The following TUSC3 variants were observed in gnomAD, a reference collection of about 807,000 sequenced individuals.
TUSC3 encodes dolichyl-diphosphooligosaccharide--protein glycosyltransferase subunit TUSC3.
A neutral mutation model predicts 44.8 loss-of-function variants in TUSC3; 45 were observed. The ratio of observed to expected loss-of-function variants is 1.00; its 90% confidence interval spans 0.79 to 1.29. The LOEUF (loss-of-function observed/expected upper bound fraction) is 1.29, where lower values mean the gene tolerates loss of function less well. Among genes scored for constraint, TUSC3 ranks in the 50% most tolerant of loss-of-function variants. The pLI, the probability that TUSC3 is intolerant of heterozygous loss-of-function variation, is 0.00. For synonymous variants in TUSC3, 212 were observed against 152.9 expected, an observed-to-expected ratio of 1.39 and a Z score of -2.85; for missense variants, 519 against 437.9, an observed-to-expected ratio of 1.19 and a Z score of -1.65.
chr8:15,552,988 C>T (rs6530888), intron 1 of TUSC3, among the ~76,000 whole-genome samples: 1,905 of 151,422 alleles, frequency 0.013, 50 homozygotes, highest in African/African-American at 0.043. Context: ...AGACAGTACT[C>T]GGTAATTGGT....
intron 6 of TUSC3, among the ~76,000 whole-genome samples, chr8:15,704,710 T>G (rs1809547896): frequency 6.6e-6 from 1 of 152,064 alleles, no homozygotes; most frequent in African/African-American, 2.4e-5. Context: ...ATCCTATCCC[T>G]CTTTTTCCTT....
chr8:15,570,408 GTATT>G (rs2129142981), intron 1 of TUSC3, among the ~76,000 whole-genome samples: 1 of 152,172 alleles, frequency 6.6e-6, no homozygotes, highest in Non-Finnish European at 1.5e-5. Flanking sequence ...AGTTGCAACT[GTATT>G]TATAGCATAT....
At chr8:15,588,140 G>A (rs114573074) in intron 1 of TUSC3, among the ~76,000 whole-genome samples, 3,139 of 152,128 alleles carry the variant, frequency 0.021, 94 homozygotes, top group African/African-American at 0.07. Flanking sequence ...GGACCTCCAT[G>A]CTGTTAACCA....
rs547988944 is a variant in TUSC3, at chr8:15,757,008, C to T, written c.1029-783C>T. Among the ~76,000 whole-genome samples, 6 of 152,164 alleles carry T rather than the reference C, an allele frequency of 3.9e-5. No individual in the cohort carries two copies. The East Asian group carries it at 7.8e-4, about 20-fold the overall frequency. The stretch of plus-strand genomic sequence containing the variant: ...AAAATTAGCCTGGCATGGTGGCACA[C>T]GCCTGTAGTCCCAGCTACTGGGGAA... On this transcript the variant is annotated intron_variant, in intron 9 of 10. Coordinates refer to ENST00000503731, the MANE Select transcript of TUSC3 (RefSeq NM_006765.4).
rs11372919 is a variant in TUSC3 at position 15,485,464 on chromosome 8, C to CTTTTTTTTTTTTTTTTT, written n.189+1992_189+1993insTTTTTTTTTTTTTTTTT. Among the ~76,000 whole-genome samples, 5 of 135,238 alleles carry CTTTTTTTTTTTTTTTTT rather than the reference C, an allele frequency of 3.7e-5. 1 individual carries two copies. Among genetic ancestry groups the CTTTTTTTTTTTTTTTTT allele is most frequent in the African/African-American group, 2.8e-5 (1 of 35,956 alleles). The allele number at this position is 135,238 out of a possible 152,430, so 88.7% of individuals were successfully genotyped here. A position where few individuals can be genotyped will look rare whatever the true frequency, so the allele number is the denominator to read the frequency against. On this transcript the variant is annotated intron_variant and non_coding_transcript_variant, in intron 2 of 5. Coordinates refer to the TUSC3 transcript ENST00000503191. ...AAGCAATGTCATTATACTCTGTTGT[C>CTTTTTTTTTTTTTTTTT]TTTTTTTTTTTGTTTTTTGTGACAC... is the stretch of plus-strand genomic sequence containing the variant.
intron 2 of TUSC3, among the ~76,000 whole-genome samples, chr8:15,516,167 C>G (rs1197904064): frequency 6.6e-6 from 1 of 152,132 alleles, no homozygotes; most frequent in Non-Finnish European, 1.5e-5. Context: ...TCACCCTCAT[C>G]TATTGTATCA....
At chr8:15,715,063 A>G (rs530446477) in intron 6 of TUSC3, among the ~76,000 whole-genome samples, 2 of 152,268 alleles carry the variant, frequency 1.3e-5, no homozygotes, top group African/African-American at 4.8e-5. Flanking sequence ...TTTCTGTAAA[A>G]TGGAAGAATC....
intron 7 of TUSC3, among the ~76,000 whole-genome samples, chr8:15,740,032 GAC>G (rs950218912): frequency 1.8e-4 from 28 of 152,062 alleles, no homozygotes; most frequent in Admixed American, 6.6e-5. Context: ...CTGGAACAAA[GAC>G]AATAAGTACA....
rs543626873 is a variant in TUSC3 at position 15,446,891 on chromosome 8, T to G, written n.91+29586T>G. ...GATGAAAGTGAACAAAAAGGATGAG[T>G]AGGTAACAGAAAAAAAAACAAAGGA... On this transcript the variant is annotated intron_variant and non_coding_transcript_variant, in intron 1 of 5. Transcript: ENST00000503191. 3.8e-5 allele frequency among the ~76,000 whole-genome samples: 4 copies of G among 106,580 alleles called. No homozygotes were observed. The South Asian group carries it at 1.1e-3, about 28-fold the overall frequency. 69.9% of individuals were successfully genotyped at this position (106,580 alleles called of 152,430 possible). A position where few individuals can be genotyped will look rare whatever the true frequency, so the allele number is the denominator to read the frequency against.
At chr8:15,756,394 G>C (rs1811929728) in intron 9 of TUSC3, among the ~76,000 whole-genome samples, 1 of 152,038 alleles carries the variant, frequency 6.6e-6, no homozygotes, top group Non-Finnish European at 1.5e-5. Flanking sequence ...AAATGTAGTA[G>C]GTTCTCAATA....
chr8:15,655,187 A>T (rs1807098517), intron 3 of TUSC3, among the ~76,000 whole-genome samples: 1 of 152,176 alleles, frequency 6.6e-6, no homozygotes, highest in African/African-American at 2.4e-5. Context: ...GGCTGCTAGG[A>T]AAGGCAGTCT....
At chr8:15,490,964 G>T (rs1253973492) in intron 2 of TUSC3, among the ~76,000 whole-genome samples, 1 of 151,956 alleles carries the variant, frequency 6.6e-6, no homozygotes, top group Non-Finnish European at 1.5e-5. Flanking sequence ...TTCCAAAGAG[G>T]GTCTGGGGCC....
intron 1 of TUSC3, among the ~76,000 whole-genome samples, chr8:15,580,936 C>G (rs1487645972): frequency 4.4e-4 from 54 of 121,644 alleles, no homozygotes; most frequent in African/African-American, 1.7e-3. Flanking sequence ...TCCATTCTCC[C>G]CATCACTTTC....
intron 1 of TUSC3, among the ~76,000 whole-genome samples, chr8:15,469,483 T>A (rs1429363301): frequency 6.6e-6 from 1 of 152,118 alleles, no homozygotes; most frequent in African/African-American, 2.4e-5. Flanking sequence ...ATGGCCAAAA[T>A]CCAAATCACT....
At chr8:15,743,256 G>A (rs1811271185) in intron 7 of TUSC3, among the ~76,000 whole-genome samples, 1 of 152,294 alleles carries the variant, frequency 6.6e-6, no homozygotes, top group East Asian at 1.9e-4. Flanking sequence ...GGTTTTGAGA[G>A]TCCATATAGT....
At chr8:15,783,073 C>G in the TUSC3 span, among the ~76,000 whole-genome samples, 2 of 152,040 alleles carry the variant, frequency 1.3e-5, no homozygotes, top group Non-Finnish European at 2.9e-5. Flanking sequence ...AATGAACTAT[C>G]TGAAAAAGAT....
intron 1 of TUSC3, among the ~76,000 whole-genome samples, chr8:15,473,491 G>A (rs1266675763): frequency 6.6e-6 from 1 of 152,180 alleles, no homozygotes. Flanking sequence ...GCAGTTACAT[G>A]TTCATAAAGT....
At chr8:15,558,992 C>G (rs1585099884) in intron 1 of TUSC3, among the ~76,000 whole-genome samples, 2 of 148,530 alleles carry the variant, frequency 1.3e-5, no homozygotes, top group Admixed American at 1.3e-4. Context: ...TTTTTTGTGT[C>G]TCTATTTCCT....
At chr8:15,839,409 T>A in the TUSC3 span, among the ~76,000 whole-genome samples, 1 of 152,030 alleles carries the variant, frequency 6.6e-6, no homozygotes, top group Admixed American at 6.6e-5. Flanking sequence ...ATAGAAGTGG[T>A]GAGTGAGGGC....
Sources: allele counts gnomAD v4.1 joint callset (sites outside exome capture counted in the v4.1 genomes callset), GRCh38; gene constraint gnomAD v4.1.1; transcripts MANE v1.5; gene names NCBI Gene and HGNC (gene_info 2026-07-23, HGNC 2026-07-21).